The following ENAH variants were observed in gnomAD, a reference collection of about 807,000 sequenced individuals.
ENAH encodes the protein protein enabled homolog.
ENAH carries 23 observed loss-of-function variants against 78.7 expected under a neutral mutation model. The ratio of observed to expected loss-of-function variants is 0.29; its 90% CI spans 0.21 to 0.41. The LOEUF is 0.41. ENAH is among the 10% of genes least tolerant of loss of function. ENAH has a pLI of 1.00. For synonymous variants in ENAH, 226 were observed against 241.0 expected, an observed-to-expected ratio of 0.94 and a Z score of 0.58; for missense variants, 544 against 691.0, an observed-to-expected ratio of 0.79 and a Z score of 2.39.
intron 1 of ENAH, among the ~76,000 whole-genome samples, chr1:225,630,690 T>C (rs1027969602): frequency 3.9e-5 from 6 of 152,336 alleles, no homozygotes; most frequent in Admixed American, 6.5e-5. Context: ...TAAATTATCA[T>C]ACATGAGACT....
chr1:225,586,564 T>C (rs1390116647), intron 1 of ENAH, among the ~76,000 whole-genome samples: 1 of 152,114 alleles, frequency 6.6e-6, no homozygotes, highest in Non-Finnish European at 1.5e-5. Flanking sequence ...TATCCTTAAA[T>C]AATACACAAA....
intron 6 of ENAH, 141 bp downstream of exon 6, chr1:225,517,054 TA>T (rs150663666): frequency 0.24 from 106,719 of 438,340 alleles, 438 homozygotes; most frequent in Middle Eastern, 0.31. Context: ...TTTTTTTAAT[TA>T]AAAAAAAAAA....
intron 1 of ENAH, among the ~76,000 whole-genome samples, chr1:225,635,677 T>C (rs1014667257): frequency 3.3e-5 from 5 of 152,210 alleles, no homozygotes; most frequent in Admixed American, 6.5e-5. Flanking sequence ...AGCAGGGTCT[T>C]TGCAGATGTA....
At chr1:225,642,657 T>C (rs1023521098) in intron 1 of ENAH, among the ~76,000 whole-genome samples, 4 of 152,124 alleles carry the variant, frequency 2.6e-5, no homozygotes, top group Admixed American at 2.6e-4. Flanking sequence ...GTAACAGCTT[T>C]ACTAGGCTTT....
intron 5 of ENAH, among the ~76,000 whole-genome samples, chr1:225,518,276 TTA>T (rs530656982): frequency 4.1e-4 from 63 of 152,228 alleles, no homozygotes; most frequent in Non-Finnish European, 6.5e-4. Context: ...AAAGCTAGTA[TTA>T]GTCTTAATTT....
intron 11 of ENAH, among the ~76,000 whole-genome samples, chr1:225,505,216 A>G (rs549917131): frequency 2.6e-5 from 4 of 152,350 alleles, no homozygotes; most frequent in African/African-American, 9.6e-5. Context: ...TTTTAAGATT[A>G]CTTTTAGTTA....
At chr1:225,542,089 C>T (rs2096592118) in intron 3 of ENAH, among the ~76,000 whole-genome samples, 1 of 152,100 alleles carries the variant, frequency 6.6e-6, no homozygotes, top group African/African-American at 2.4e-5. Flanking sequence ...ACTATGTTGC[C>T]CAAGCTGGTC....
intron 1 of ENAH, among the ~76,000 whole-genome samples, chr1:225,604,685 T>TGGGGGGG (rs1275890539): frequency 6.6e-6 from 1 of 150,436 alleles, no homozygotes; most frequent in Non-Finnish European, 1.5e-5. Flanking sequence ...CCCAGCTACT[T>TGGGGGGG]GGGAGGCTGA....
chr1:225,507,891 G>A (rs1575329267), intron 11 of ENAH, 60 bp downstream of exon 11: 2 of 1,208,678 alleles, frequency 1.7e-6, no homozygotes, highest in East Asian at 5.4e-5. Context: ...TCTACACTAA[G>A]AATGCATTAA....
intron 3 of ENAH, among the ~76,000 whole-genome samples, chr1:225,552,921 A>G (rs2096648243): frequency 6.6e-6 from 1 of 152,170 alleles, no homozygotes; most frequent in Non-Finnish European, 1.5e-5. Context: ...ATTAAGATTC[A>G]TTAATTTGAA....
intron 1 of ENAH, chr1:225,652,241 T>C: frequency 1.3e-6 from 1 of 786,206 alleles, no homozygotes; most frequent in East Asian, 1.3e-4. Context: ...CTTTCAAACT[T>C]TTCTTCCTTT....
chr1:225,563,783 CCTTATAAAATATCATT>C (rs1469435870), intron 2 of ENAH, among the ~76,000 whole-genome samples: 2 of 152,050 alleles, frequency 1.3e-5, no homozygotes, highest in African/African-American at 4.8e-5. Context: ...ATTATACAAG[CCTTATAAAATATCATT>C]CTCTACAATG....
At chr1:225,602,010 T>A (rs2096933493) in intron 1 of ENAH, among the ~76,000 whole-genome samples, 1 of 151,868 alleles carries the variant, frequency 6.6e-6, no homozygotes. Flanking sequence ...CTAGTCCAAA[T>A]GAACAATTAA....
At chr1:225,501,291 G>GCT in intron 11 of ENAH, 2 of 455,636 alleles carry the variant, frequency 4.4e-6, no homozygotes, top group Non-Finnish European at 7.8e-6. Context: ...CTAGAAAAAG[G>GCT]TGACAAGATG....
chr1:225,527,855 C>T (rs2096517465), intron 4 of ENAH, among the ~76,000 whole-genome samples: 1 of 152,122 alleles, frequency 6.6e-6, no homozygotes, highest in South Asian at 2.1e-4. Flanking sequence ...CTCCGTGAAC[C>T]TCCCACCAAC....
chr1:225,599,015 C>T (rs1034808516), intron 1 of ENAH, among the ~76,000 whole-genome samples: 8 of 152,082 alleles, frequency 5.3e-5, no homozygotes, highest in African/African-American at 1.7e-4. Context: ...AACTTAATTT[C>T]GCAATATTGG....
intron 1 of ENAH, among the ~76,000 whole-genome samples, chr1:225,590,839 C>T (rs2096872163): frequency 6.6e-6 from 1 of 152,208 alleles, no homozygotes; most frequent in Admixed American, 6.5e-5. Flanking sequence ...CCGCCAGCCT[C>T]TCCACCTAGA....
chr1:225,594,730 T>C (rs2096894150), intron 1 of ENAH, among the ~76,000 whole-genome samples: 1 of 152,234 alleles, frequency 6.6e-6, no homozygotes, highest in Admixed American at 6.5e-5. Context: ...ACCACTATTT[T>C]AATCTTTTTA....
chr1:225,526,551 C>T (rs2096507092), intron 4 of ENAH, among the ~76,000 whole-genome samples: 1 of 151,752 alleles, frequency 6.6e-6, no homozygotes, highest in South Asian at 2.1e-4. Flanking sequence ...ATTGGCCAGG[C>T]TGGTCTTTAA....
Sources: allele counts gnomAD v4.1 joint callset (sites outside exome capture counted in the v4.1 genomes callset), GRCh38; gene constraint gnomAD v4.1.1; transcripts MANE v1.5; gene names NCBI Gene and HGNC (gene_info 2026-07-23, HGNC 2026-07-21).